CSMD3: variants seen among roughly 807,000 people sequenced by gnomAD.
CSMD3 encodes CUB and Sushi multiple domains 3, also known as CUB and sushi domain-containing protein 3.
A neutral mutation model predicts 435.2 loss-of-function variants in CSMD3; 177 were observed. That is an observed-to-expected ratio of 0.41 (90% CI 0.36 to 0.46). The LOEUF is 0.46. CSMD3 is among the 20% of genes least tolerant of loss of function. CSMD3 has a pLI of 0.34. For missense variants in CSMD3, 4,265 were observed against 4,504.6 expected, an observed-to-expected ratio of 0.95 and a Z score of 1.52; for synonymous variants, 1,656 against 1,520.5, an observed-to-expected ratio of 1.09 and a Z score of -2.07.
At chr8:113,148,413 T>C (rs969595149) in intron 4 of CSMD3, among the ~76,000 whole-genome samples, 8 of 151,766 alleles carry the variant, frequency 5.3e-5, no homozygotes, top group Non-Finnish European at 1.0e-4. Context: ...TAGAATACTG[T>C]ATCACTTCCT....
At chr8:112,802,100 A>G (rs1246309301) in intron 12 of CSMD3, among the ~76,000 whole-genome samples, 1 of 151,890 alleles carries the variant, frequency 6.6e-6, no homozygotes, top group Non-Finnish European at 1.5e-5. Context: ...GTAAGGGTAT[A>G]TGTCATCTAA....
At chr8:113,212,907 T>TA (rs56751881) in intron 3 of CSMD3, among the ~76,000 whole-genome samples, 73 of 140,102 alleles carry the variant, frequency 5.2e-4, no homozygotes, top group South Asian at 2.5e-3. Context: ...ATATATATAT[T>TA]AAAAAAAAAA....
chr8:113,434,743 A>C (rs768038817), intron 1 of CSMD3, among the ~76,000 whole-genome samples: 2 of 152,234 alleles, frequency 1.3e-5, no homozygotes, highest in African/African-American at 2.4e-5. Flanking sequence ...AAAGTAAATT[A>C]ACGCGCCTTT....
At chr8:112,655,911 T>C (rs891067603) in intron 18 of CSMD3, among the ~76,000 whole-genome samples, 2 of 152,042 alleles carry the variant, frequency 1.3e-5, no homozygotes, top group African/African-American at 4.8e-5. Context: ...TTTCAAATAA[T>C]GATTTGATGC....
chr8:113,115,365 C>T (rs1588101474), intron 4 of CSMD3, among the ~76,000 whole-genome samples: 1 of 152,142 alleles, frequency 6.6e-6, no homozygotes. Flanking sequence ...GATGAATTTT[C>T]ACAAAATGAG....
rs928198575 is a variant in CSMD3, at chr8:112,638,623, G to C, written c.3526+73C>G. The C allele has an allele frequency of 2.6e-5, 23 of 886,112 alleles. No individual in the cohort carries two copies. In the African/African-American group the frequency reaches 3.2e-4, roughly 12 times the overall value. The allele number at this position is 886,112 out of a possible 1,614,324, so 54.9% of individuals were successfully genotyped here. On this transcript the variant is annotated intron_variant, in intron 21 of 70. Transcript: ENST00000297405. ...GCTATTTTTCACTGTTTTATCATCA[G>C]TTATGCTCATATCTTGAAAAATTGC...
At chr8:113,187,810 A>C (rs879704007) in intron 3 of CSMD3, among the ~76,000 whole-genome samples, 11 of 151,948 alleles carry the variant, frequency 7.2e-5, no homozygotes, top group Non-Finnish European at 1.5e-4. Flanking sequence ...TTCTGTGTCC[A>C]TAAAAGGAAG....
At chr8:113,312,476 A>G (rs1471616259) in intron 2 of CSMD3, 1 of 152,196 alleles carries the variant, frequency 6.6e-6, no homozygotes, top group Non-Finnish European at 1.5e-5. Context: ...AAGAATGAGA[A>G]CAATAAATTT....
intron 13 of CSMD3, among the ~76,000 whole-genome samples, chr8:112,699,050 C>G (rs1294340037): frequency 3.3e-5 from 5 of 152,148 alleles, no homozygotes; most frequent in African/African-American, 1.2e-4. Context: ...ATGGACCAAT[C>G]AGCAGGATGT....
intron 5 of CSMD3, among the ~76,000 whole-genome samples, chr8:113,092,491 GC>G (rs923575066): frequency 1.3e-5 from 2 of 152,002 alleles, no homozygotes; most frequent in African/African-American, 4.8e-5. Flanking sequence ...AATAAGGATT[GC>G]TTTCCCCTGA....
intron 1 of CSMD3, among the ~76,000 whole-genome samples, chr8:113,430,369 T>C (rs1455039248): frequency 1.4e-5 from 2 of 138,724 alleles, no homozygotes; most frequent in Admixed American, 8.5e-5. Context: ...TATTGTCATG[T>C]ATTTTTTTTT....
chr8:113,295,650 G>C (rs1014961026), intron 2 of CSMD3, among the ~76,000 whole-genome samples: 1 of 152,160 alleles, frequency 6.6e-6, no homozygotes, highest in African/African-American at 2.4e-5. Flanking sequence ...CTCGCACTTT[G>C]CAAGGCCCAG....
intron 11 of CSMD3, among the ~76,000 whole-genome samples, chr8:112,856,627 C>T (rs1161845108): frequency 6.6e-6 from 1 of 151,768 alleles, no homozygotes; most frequent in Non-Finnish European, 1.5e-5. Context: ...GCTGGGCTCT[C>T]ATAGTGAGAG....
chr8:113,109,613 G>A (rs542693004), intron 4 of CSMD3, among the ~76,000 whole-genome samples: 2 of 152,200 alleles, frequency 1.3e-5, no homozygotes, highest in South Asian at 4.2e-4. Context: ...ACTGAGATTG[G>A]GTTCCTAAGG....
chr8:113,038,209 G>A (rs762557458), intron 5 of CSMD3, among the ~76,000 whole-genome samples: 5 of 152,076 alleles, frequency 3.3e-5, no homozygotes, highest in Non-Finnish European at 5.9e-5. Context: ...TCTAGTAACA[G>A]TAGAAAAAAA....
chr8:112,818,734 G>T (rs1027971401), intron 12 of CSMD3, among the ~76,000 whole-genome samples: 5 of 152,090 alleles, frequency 3.3e-5, no homozygotes, highest in Admixed American at 2.6e-4. Flanking sequence ...TCAGGAATGT[G>T]CCTGCCTGGC....
chr8:112,389,071 C>T (rs956722285), intron 36 of CSMD3, among the ~76,000 whole-genome samples: 1 of 152,082 alleles, frequency 6.6e-6, no homozygotes, highest in African/African-American at 2.4e-5. Flanking sequence ...GAGCTGCTGA[C>T]AGAGCAAGAA....
intron 22 of CSMD3, among the ~76,000 whole-genome samples, chr8:112,627,622 T>C (rs1387510334): frequency 6.6e-6 from 1 of 152,184 alleles, no homozygotes; most frequent in East Asian, 1.9e-4. Context: ...TAAGGACATA[T>C]ATGGAGAATG....
chr8:112,976,179 T>C (rs756557284), intron 6 of CSMD3, 31 bp from the exon 7 acceptor site: 2 of 1,609,678 alleles, frequency 1.2e-6, no homozygotes, highest in South Asian at 1.1e-5. Flanking sequence ...AGATGCTAAC[T>C]TTTTCTTTTT....
Sources: gnomAD v4.1 joint callset for allele counts (sites outside exome capture counted in the v4.1 genomes callset) on GRCh38, gnomAD v4.1.1 for gene constraint, MANE v1.5 for transcripts, NCBI Gene and HGNC (gene_info 2026-07-23, HGNC 2026-07-21) for gene names.